Variants in RANBP1 observed in about 807,000 individuals in gnomAD.
RANBP1 encodes ran-specific GTPase-activating protein.
A neutral mutation model predicts 31.4 loss-of-function variants in RANBP1; 16 were observed. That is an observed-to-expected ratio of 0.51 (90% CI 0.34 to 0.77). The LOEUF is 0.77. Ranked by LOEUF, RANBP1 falls within the 30% of genes least tolerant of loss-of-function variation. The pLI is 0.01. For synonymous variants in RANBP1, 129 were observed against 140.5 expected (o/e 0.92, Z 0.58); for missense variants, 265 against 362.0 (o/e 0.73, Z 2.17).
chr22:20,126,213 CT>C, intron 4 of RANBP1, 89 bp from the exon 5 acceptor site: 10 of 1,454,324 alleles, frequency 6.9e-6, no homozygotes, highest in Non-Finnish European at 9.3e-6. Context: ...TGAAATGGGT[CT>C]TCTGTGAATC....
At position 20,127,267 on chromosome 22, in the gene RANBP1, A is replaced by C. The variant is rs781409423; in HGVS notation, c.*215A>C. 63 of 401,174 alleles carry C rather than the reference A, an allele frequency of 1.6e-4. No homozygotes were observed. The highest frequency in any genetic ancestry group is 2.8e-4 in the Non-Finnish European group (61 of 216,116). 24.9% of individuals were successfully genotyped at this position (401,174 alleles called of 1,614,324 possible). A position where few individuals can be genotyped will look rare whatever the true frequency, so the allele number is the denominator to read the frequency against. ...GAAAATCCATTCCCCAGTCATGAAA[A>C]TGTACTGTGCTAACTTTCTTTTCCA... On this transcript the variant is annotated 3_prime_UTR_variant, in exon 6 of 6. Coordinates refer to ENST00000430524, the MANE Select transcript of RANBP1 (RefSeq NM_001278639.2).
intron 2 of RANBP1, among the ~76,000 whole-genome samples, chr22:20,121,745 T>C (rs375935452): frequency 6.6e-6 from 1 of 152,124 alleles, no homozygotes; most frequent in African/African-American, 2.4e-5. Context: ...TGTCTTGCTA[T>C]GTTGCCCAGG....
chr22:20,120,021 C>T (rs1360537005), intron 2 of RANBP1, among the ~76,000 whole-genome samples: 1 of 152,196 alleles, frequency 6.6e-6, no homozygotes, highest in Admixed American at 6.5e-5. Flanking sequence ...CTCAGGATTG[C>T]AACAAACATC....
intron 1 of RANBP1, chr22:20,118,105 A>C: frequency 1.0e-6 from 1 of 1,000,290 alleles, no homozygotes; most frequent in Non-Finnish European, 1.2e-6. Context: ...TCTGTGGCAG[A>C]AGCTCGCGTT....
At chr22:20,126,196 A>G (rs2050293497) in intron 4 of RANBP1, 107 bp from the exon 5 acceptor site, 2 of 1,326,610 alleles carry the variant, frequency 1.5e-6, no homozygotes, top group South Asian at 1.4e-5. Flanking sequence ...TAGGTCAGCA[A>G]TTACCATGAA....
chr22:20,121,701 T>C (rs1304426183), intron 2 of RANBP1, among the ~76,000 whole-genome samples: 3 of 152,156 alleles, frequency 2.0e-5, no homozygotes, highest in Non-Finnish European at 2.9e-5. Flanking sequence ...TTAGCCATCA[T>C]GTCCAGCTAA....
At chr22:20,126,864 G>A in intron 5 of RANBP1, 88 bp from the exon 6 acceptor site, 8 of 1,499,364 alleles carry the variant, frequency 5.3e-6, no homozygotes, top group Non-Finnish European at 7.4e-6. Context: ...CTGTGGGTGG[G>A]TGACGGCACT....
intron 2 of RANBP1, among the ~76,000 whole-genome samples, chr22:20,121,194 C>T (rs1039832119): frequency 6.6e-6 from 1 of 151,938 alleles, no homozygotes; most frequent in Non-Finnish European, 1.5e-5. Context: ...ACCTCATGAT[C>T]CACCTGCCTT....
chr22:20,116,973 C>T (rs977960337), intron 1 of RANBP1: 1 of 1,510,400 alleles, frequency 6.6e-7, no homozygotes, highest in Non-Finnish European at 9.0e-7. Flanking sequence ...CGTCCTGGGC[C>T]TGTCACAAGG....
At chr22:20,117,497 G>C (rs1230625750) in intron 1 of RANBP1, 6 of 1,271,106 alleles carry the variant, frequency 4.7e-6, no homozygotes, top group Admixed American at 4.3e-5. Flanking sequence ...CTGGGGTCAG[G>C]GGTCGAGGTT....
chr22:20,126,377 G>C lies in RANBP1; in HGVS notation c.736+9G>C, dbSNP rs2050297666. 6.2e-7 allele frequency: 1 copy of C among 1,614,020 alleles called. No individual in the cohort carries two copies. Among genetic ancestry groups the C allele is most frequent in the Non-Finnish European group, 8.5e-7 (1 of 1,180,000 alleles). ...AGAGAGAGAAAAGAAAGGTGACGTG[G>C]TGCCATGGGTTGGGGGGCTTCTTTG... is the stretch of plus-strand genomic sequence containing the variant. On this transcript the variant is annotated intron_variant, in intron 5 of 5. Coordinates refer to ENST00000430524, the MANE Select transcript of RANBP1 (RefSeq NM_001278639.2).
At chr22:20,126,657 G>C (rs2050307666) in intron 5 of RANBP1, 1 of 1,512,604 alleles carries the variant, frequency 6.6e-7, no homozygotes, top group African/African-American at 1.4e-5. Flanking sequence ...GTCTCTCAGA[G>C]GGCTTGGTCA....
At chr22:20,117,940 C>T in intron 1 of RANBP1, 3 of 1,007,692 alleles carry the variant, frequency 3.0e-6, no homozygotes, top group Non-Finnish European at 3.5e-6. Flanking sequence ...CGTCGCCACG[C>T]GGGACGGCCC....
At chr22:20,126,587 A>G in intron 5 of RANBP1, 1 of 1,539,902 alleles carries the variant, frequency 6.5e-7, no homozygotes, top group South Asian at 1.2e-5. Context: ...TTGGGCAGGC[A>G]TTGGAGTCCG....
Position 20,126,378 on chromosome 22 carries a change from T to G in RANBP1, c.736+10T>G, listed in dbSNP as rs1361420655. On this transcript the variant is annotated intron_variant, in intron 5 of 5. Coordinates refer to ENST00000430524, the MANE Select transcript of RANBP1 (RefSeq NM_001278639.2). The stretch of plus-strand genomic sequence containing the variant: ...GAGAGAGAAAAGAAAGGTGACGTGG[T>G]GCCATGGGTTGGGGGGCTTCTTTGC... 3 of 1,614,004 alleles carry G rather than the reference T, an allele frequency of 1.9e-6. No individual in the cohort carries two copies. The highest frequency in any genetic ancestry group is 2.5e-6 in the Non-Finnish European group (3 of 1,179,986).
intron 2 of RANBP1, among the ~76,000 whole-genome samples, chr22:20,119,878 A>T (rs1212837848): frequency 6.6e-6 from 1 of 152,196 alleles, no homozygotes; most frequent in Non-Finnish European, 1.5e-5. Context: ...TTTAGTTATT[A>T]AAACCACTTA....
Position 20,116,952 on chromosome 22 carries a change from C to T in RANBP1, c.246+522C>T. 1.9e-6 allele frequency: 3 copies of T among 1,570,410 alleles called. No individual in the cohort carries two copies. In the South Asian group the frequency reaches 3.5e-5, roughly 18 times the overall value. On this transcript the variant is annotated intron_variant, in intron 1 of 5. Coordinates refer to ENST00000430524, the MANE Select transcript of RANBP1 (RefSeq NM_001278639.2). The stretch of plus-strand genomic sequence containing the variant: ...TAGACCAGGGACGCCATGGGGGCCG[C>T]CTGGCCACCTCGTCCTGGGCCTGTC...
At chr22:20,125,911 C>T (rs534956799) in intron 4 of RANBP1, among the ~76,000 whole-genome samples, 7 of 152,390 alleles carry the variant, frequency 4.6e-5, no homozygotes, top group Admixed American at 3.9e-4. Flanking sequence ...CAGTCCAGAT[C>T]GTCCAAGCTG....
chr22:20,116,818 TC>T lies in RANBP1; in HGVS notation c.246+390del, dbSNP rs1476073799. 2.3e-5 allele frequency: 33 copies of T among 1,462,894 alleles called. No homozygotes were observed. In the East Asian group the frequency reaches 6.6e-4, roughly 29 times the overall value. 90.6% of individuals were successfully genotyped at this position (1,462,894 alleles called of 1,614,324 possible). On this transcript the variant is annotated intron_variant, in intron 1 of 5. Transcript: ENST00000430524. ...GTCCCCACCTATTCTCTGGCAGGTT[TC>T]CTGACCCACCCCGCCTCCTCCCACC...
Sources: gnomAD v4.1 joint callset for allele counts (sites outside exome capture counted in the v4.1 genomes callset) on GRCh38, gnomAD v4.1.1 for gene constraint, MANE v1.5 for transcripts, NCBI Gene and HGNC (gene_info 2026-07-23, HGNC 2026-07-21) for gene names.